Variants in LRIT3 observed in about 807,000 individuals in gnomAD.
LRIT3 encodes leucine rich repeat, Ig-like and transmembrane domains 3.
In LRIT3, 14 loss-of-function variants were observed where a neutral mutation model predicts 22.6. The ratio of observed to expected loss-of-function variants is 0.62; its 90% confidence interval spans 0.41 to 0.97. The LOEUF is 0.97. Ranked by LOEUF, LRIT3 falls within the 50% of genes least tolerant of loss-of-function variation. The pLI is 0.00. For missense variants in LRIT3, 783 were observed against 803.0 expected (o/e 0.98, Z 0.30); for synonymous variants, 306 against 304.5 (o/e 1.01, Z -0.05).
chr4:109,848,180 T>C lies in LRIT3; in HGVS notation c.-22T>C, dbSNP rs1734118644. On this transcript the variant is annotated 5_prime_UTR_variant, in exon 1 of 4. It removes the in-frame stop codon of an upstream open reading frame in the 5' UTR. Coordinates refer to ENST00000594814, the MANE Select transcript of LRIT3 (RefSeq NM_198506.5). ...TAGGATTCGGTTTTTACCTTTTGTTTAAATAACCTCTAAAAGGAGCAATGC... is the reference window on the plus strand; with the variant it reads ...TAGGATTCGGTTTTTACCTTTTGTTCAAATAACCTCTAAAAGGAGCAATGC... 2 of 1,204,136 alleles carry C rather than the reference T, an allele frequency of 1.7e-6. No homozygotes were observed. The highest frequency in any genetic ancestry group is 3.1e-5 in the African/African-American group (2 of 63,852). 74.6% of individuals were successfully genotyped at this position (1,204,136 alleles called of 1,614,324 possible).
At chr4:109,855,670 G>A (rs1441678396) in intron 2 of LRIT3, among the ~76,000 whole-genome samples, 4 of 151,216 alleles carry the variant, frequency 2.6e-5, no homozygotes, top group Non-Finnish European at 2.9e-5. Context: ...TTCTCTTGTG[G>A]GCATGTAGTG....
chr4:109,868,849 A>G (rs1051137161), intron 3 of LRIT3, among the ~76,000 whole-genome samples: 1 of 152,126 alleles, frequency 6.6e-6, no homozygotes, highest in Non-Finnish European at 1.5e-5. Context: ...TTAAGGCCTA[A>G]TGTTCCTATA....
intron 2 of LRIT3, among the ~76,000 whole-genome samples, chr4:109,852,547 T>C (rs755404799): frequency 6.6e-6 from 1 of 152,202 alleles, no homozygotes; most frequent in Non-Finnish European, 1.5e-5. Context: ...GTGACTAGTT[T>C]TGGAATTTTG....
intron 2 of LRIT3, among the ~76,000 whole-genome samples, chr4:109,853,197 C>T (rs1432162680): frequency 3.3e-5 from 5 of 152,176 alleles, no homozygotes; most frequent in Non-Finnish European, 7.3e-5. Flanking sequence ...ATACTCCCAC[C>T]AACAGTGTAA....
rs915572003 is a variant in LRIT3 at position 109,859,447 on chromosome 4, T to C, written c.589+7471T>C. On this transcript the variant is annotated intron_variant, in intron 2 of 3. Coordinates refer to ENST00000594814, the MANE Select transcript of LRIT3 (RefSeq NM_198506.5). Reference sequence around the variant, plus strand: ...AGCCTTAAAACAGAAACACAGTCTTTTCATAACCTATGATTAGCAAGATAT... The same window carrying C: ...AGCCTTAAAACAGAAACACAGTCTTCTCATAACCTATGATTAGCAAGATAT... 3.3e-5 allele frequency among the ~76,000 whole-genome samples: 5 copies of C among 152,308 alleles called. No individual in the cohort carries two copies. In the South Asian group the frequency reaches 8.3e-4, roughly 25 times the overall value.
At chr4:109,859,803 C>T (rs1319490383) in intron 2 of LRIT3, among the ~76,000 whole-genome samples, 9 of 152,244 alleles carry the variant, frequency 5.9e-5, no homozygotes, top group Admixed American at 5.2e-4. Flanking sequence ...GGAAGCACAT[C>T]ACGCATGTTG....
At chr4:109,850,418 C>CT (rs1491056843) in intron 1 of LRIT3, among the ~76,000 whole-genome samples, 3 of 28,228 alleles carry the variant, frequency 1.1e-4, no homozygotes, top group Admixed American at 4.3e-4. Flanking sequence ...TTCCTTCCTT[C>CT]CTTCCTTTCT....
chr4:109,870,839 A>T lies in LRIT3; in HGVS notation c.*50A>T. 7 of 1,504,724 alleles carry T rather than the reference A, an allele frequency of 4.7e-6. No homozygotes were observed. The highest frequency in any genetic ancestry group is 6.2e-6 in the Non-Finnish European group (7 of 1,123,786). 93.2% of individuals were successfully genotyped at this position (1,504,724 alleles called of 1,614,324 possible). On this transcript the variant is annotated 3_prime_UTR_variant, in exon 4 of 4. Coordinates refer to ENST00000594814, the MANE Select transcript of LRIT3 (RefSeq NM_198506.5). ...AGCTACAAAACTAGCATCTAAGGGT[A>T]TAATTGACCCTAGGTTTGGATGACT...
Position 109,870,845 on chromosome 4 carries a change from G to A in LRIT3, c.*56G>A. On this transcript the variant is annotated 3_prime_UTR_variant, in exon 4 of 4. Transcript: ENST00000594814. The stretch of plus-strand genomic sequence containing the variant: ...AAAACTAGCATCTAAGGGTATAATT[G>A]ACCCTAGGTTTGGATGACTTTTGGA... 6.7e-7 allele frequency: 1 copy of A among 1,493,312 alleles called. No homozygotes were observed. 92.5% of individuals were successfully genotyped at this position (1,493,312 alleles called of 1,614,324 possible).
Position 109,871,625 on chromosome 4 carries a change from T to C in LRIT3, c.*836T>C, listed in dbSNP as rs894774899. Reference sequence around the variant, plus strand: ...CTTTCTTCTGCTCTGTCAGAAGATATACAAGTAGCCAAAGCATCACGAGCC... The same window carrying C: ...CTTTCTTCTGCTCTGTCAGAAGATACACAAGTAGCCAAAGCATCACGAGCC... On this transcript the variant is annotated 3_prime_UTR_variant, in exon 4 of 4. Transcript: ENST00000594814. 2 of 152,176 alleles carry C rather than the reference T, an allele frequency of 1.3e-5. No individual in the cohort carries two copies. The highest frequency in any genetic ancestry group is 4.8e-5 in the African/African-American group (2 of 41,442). The allele number at this position is 152,176 out of a possible 1,614,324, so 9.4% of individuals were successfully genotyped here.
chr4:109,865,405 G>C lies in LRIT3; in HGVS notation c.590-2236G>C, dbSNP rs951833680. The C allele has an allele frequency of 4.5e-6, 5 of 1,106,488 alleles. No homozygotes were observed. The African/African-American group carries it at 7.8e-5, about 17-fold the overall frequency. The allele number at this position is 1,106,488 out of a possible 1,614,324, so 68.5% of individuals were successfully genotyped here. The stretch of plus-strand genomic sequence containing the variant: ...TAATGTGGTATCTGGTGGTGAAATG[G>C]GTTTTTGAATGTCTATGAACTGACT... On this transcript the variant is annotated intron_variant, in intron 2 of 3. Transcript: ENST00000594814.
intron 2 of LRIT3, chr4:109,865,036 C>T: frequency 1.4e-6 from 2 of 1,390,776 alleles, no homozygotes; most frequent in Non-Finnish European, 1.9e-6. Flanking sequence ...CTGCTTTTTA[C>T]TGAGTGATGA....
intron 2 of LRIT3, among the ~76,000 whole-genome samples, chr4:109,854,955 C>T (rs1372902700): frequency 2.0e-5 from 3 of 152,138 alleles, no homozygotes; most frequent in Non-Finnish European, 4.4e-5. Context: ...TTTTGATGTG[C>T]TGCTGGATTC....
chr4:109,866,970 C>A (rs947122901), intron 2 of LRIT3, among the ~76,000 whole-genome samples: 2 of 152,184 alleles, frequency 1.3e-5, no homozygotes, highest in Non-Finnish European at 2.9e-5. Flanking sequence ...GTTCTTGCTT[C>A]CACCAGTCTT....
intron 2 of LRIT3, 69 bp from the exon 3 acceptor site, chr4:109,867,572 T>G: frequency 7.3e-7 from 1 of 1,366,678 alleles, no homozygotes; most frequent in Non-Finnish European, 1.0e-6. Flanking sequence ...CCCTACTTTC[T>G]CAAGAGGCAG....
chr4:109,866,489 A>G (rs1203427681), intron 2 of LRIT3, among the ~76,000 whole-genome samples: 1 of 152,194 alleles, frequency 6.6e-6, no homozygotes, highest in Non-Finnish European at 1.5e-5. Flanking sequence ...GGCCGAGAAT[A>G]AGAAACAATT....
chr4:109,857,786 C>T (rs1214775745), intron 2 of LRIT3, among the ~76,000 whole-genome samples: 2 of 152,186 alleles, frequency 1.3e-5, no homozygotes, highest in Non-Finnish European at 2.9e-5. Flanking sequence ...AACACAGTTC[C>T]TTCTGAACTA....
chr4:109,857,328 G>A (rs866133922), intron 2 of LRIT3, among the ~76,000 whole-genome samples: 2 of 144,974 alleles, frequency 1.4e-5, no homozygotes, highest in Non-Finnish European at 3.0e-5. Flanking sequence ...CAACAGGGGG[G>A]TATAAGTCCT....
At chr4:109,867,579 G>A (rs1018216396) in intron 2 of LRIT3, 62 bp from the exon 3 acceptor site, 1 of 1,236,768 alleles carries the variant, frequency 8.1e-7, no homozygotes, top group African/African-American at 1.8e-5. Context: ...TTCTCAAGAG[G>A]CAGGATGTAA....
Sources: gnomAD v4.1 joint callset for allele counts (sites outside exome capture counted in the v4.1 genomes callset) on GRCh38, gnomAD v4.1.1 for gene constraint, MANE v1.5 for transcripts, NCBI Gene and HGNC (gene_info 2026-07-23, HGNC 2026-07-21) for gene names.